Variants in ZNF586 observed in about 807,000 individuals in gnomAD.
The protein encoded by ZNF586 is zinc finger protein 586.
In ZNF586, 7 loss-of-function variants were observed where a neutral mutation model predicts 6.7. That is an observed-to-expected ratio of 1.04 (90% CI 0.59 to 1.95). The LOEUF (loss-of-function observed/expected upper bound fraction) is 1.95. Ranked by LOEUF, ZNF586 falls within the 30% of genes most tolerant of loss-of-function variation. ZNF586 has a pLI of 0.00. For synonymous variants in ZNF586, 166 were observed against 168.7 expected (o/e 0.98, Z 0.12); for missense variants, 442 against 489.6 (o/e 0.90, Z 0.92).
intron 2 of ZNF586, among the ~76,000 whole-genome samples, chr19:57,778,190 G>A (rs552696230): frequency 2.4e-4 from 36 of 151,474 alleles, no homozygotes; most frequent in African/African-American, 8.5e-4. Context: ...TCCTGCCTCA[G>A]CCTCCCGAGT....
At chr19:57,771,184 C>G (rs1328821794) in intron 1 of ZNF586, among the ~76,000 whole-genome samples, 2 of 151,818 alleles carry the variant, frequency 1.3e-5, no homozygotes, top group Non-Finnish European at 2.9e-5. Context: ...ACCTGTAGTC[C>G]CAACTACTTG....
rs1987357887 is a variant in ZNF586, at chr19:57,780,386, G to A, written c.*590G>A. On this transcript the variant is annotated 3_prime_UTR_variant, in exon 3 of 3. Coordinates refer to ENST00000396154, the MANE Select transcript of ZNF586 (RefSeq NM_017652.4). The stretch of plus-strand genomic sequence containing the variant: ...CATTTCTTTCTCTCCAATGAGTTAG[G>A]CCATGAACCTGACTCATTTTTGGCA... 6.6e-6 allele frequency: 1 copy of A among 152,386 alleles called. No homozygotes were observed. The highest frequency in any genetic ancestry group is 6.5e-5 in the Admixed American group (1 of 15,288). The allele number at this position is 152,386 out of a possible 1,614,324, so 9.4% of individuals were successfully genotyped here. A position where few individuals can be genotyped will look rare whatever the true frequency, so the allele number is the denominator to read the frequency against.
intron 1 of ZNF586, among the ~76,000 whole-genome samples, chr19:57,775,563 A>G (rs1987213846): frequency 6.7e-6 from 1 of 148,816 alleles, no homozygotes; most frequent in Non-Finnish European, 1.5e-5. Flanking sequence ...CACCCTCTTG[A>G]TTGAGCAAAG....
chr19:57,778,878 T>G lies in ZNF586; in HGVS notation c.291T>G (p.Phe97Leu). ...PYECGEYRKL[F>L]KNKSCLTEPR... is the part of the protein sequence containing the mutation. Reference sequence around the variant, plus strand: ...AGTGTGGGGAATATAGGAAATTATTTAAGAACAAGTCCTGCCTCACTGAAC... The same window carrying G: ...AGTGTGGGGAATATAGGAAATTATTGAAGAACAAGTCCTGCCTCACTGAAC... Residue 97 changes from phenylalanine to leucine, a missense_variant, in exon 3 of 3, where the codon TTT becomes TTG. By Grantham distance (22) the Phe-to-Leu change is conservative. Transcript: ENST00000396154. 3.1e-6 allele frequency: 5 copies of G among 1,614,142 alleles called. No homozygotes were observed. The highest frequency in any genetic ancestry group is 4.2e-6 in the Non-Finnish European group (5 of 1,180,030).
At chr19:57,771,619 T>G (rs1321971823) in intron 1 of ZNF586, among the ~76,000 whole-genome samples, 1 of 152,078 alleles carries the variant, frequency 6.6e-6, no homozygotes, top group African/African-American at 2.4e-5. Context: ...AATACTTACT[T>G]AGAAGTGAAA....
chr19:57,771,447 A>C (rs1987095327), intron 1 of ZNF586, among the ~76,000 whole-genome samples: 2 of 152,070 alleles, frequency 1.3e-5, no homozygotes, highest in African/African-American at 4.8e-5. Flanking sequence ...CTCCTAGGAC[A>C]CTTAAGTGCC....
At position 57,780,073 on chromosome 19, in the gene ZNF586, T is replaced by C. The variant is rs768269992; in HGVS notation, c.*277T>C. 29 of 436,998 alleles carry C rather than the reference T, an allele frequency of 6.6e-5. No individual in the cohort carries two copies. Among genetic ancestry groups the C allele is most frequent in the Non-Finnish European group, 1.0e-4 (26 of 247,982 alleles). 27.1% of individuals were successfully genotyped at this position (436,998 alleles called of 1,614,324 possible). On this transcript the variant is annotated 3_prime_UTR_variant, in exon 3 of 3. Coordinates refer to ENST00000396154, the MANE Select transcript of ZNF586 (RefSeq NM_017652.4). ...TATTATTTTTTCTTCAATATAACACTGGAGGAAACCCCTTATGAGGATGCC... is the reference window on the plus strand; with the variant it reads ...TATTATTTTTTCTTCAATATAACACCGGAGGAAACCCCTTATGAGGATGCC...
At chr19:57,774,645 A>G in intron 1 of ZNF586, 1 of 428,072 alleles carries the variant, frequency 2.3e-6, no homozygotes, top group Non-Finnish European at 3.0e-6. Flanking sequence ...TGAAAATGCT[A>G]GTGGTTCTTT....
intron 1 of ZNF586, among the ~76,000 whole-genome samples, chr19:57,771,747 C>T (rs1236348062): frequency 6.6e-6 from 1 of 152,020 alleles, no homozygotes; most frequent in Non-Finnish European, 1.5e-5. Context: ...CTGCCCTAGT[C>T]GAGGTGAGGA....
At chr19:57,774,360 T>TA (rs1416689808) in intron 1 of ZNF586, among the ~76,000 whole-genome samples, 1 of 151,184 alleles carries the variant, frequency 6.6e-6, no homozygotes, top group African/African-American at 2.4e-5. Flanking sequence ...CCGTCTCTAC[T>TA]AAAAAATATA....
At position 57,779,767 on chromosome 19, in the gene ZNF586, G is replaced by C; in HGVS notation, c.1180G>C (p.Val394Leu). 1.2e-6 allele frequency: 2 copies of C among 1,603,206 alleles called. No individual in the cohort carries two copies. The highest frequency in any genetic ancestry group is 1.7e-6 in the Non-Finnish European group (2 of 1,174,064). The part of the protein sequence containing the change: ...HSSSFRRHQR[V>L]HTGMRPYK ...TTCTTCGTTCCGTCGCCATCAGAGA[G>C]TTCATACTGGAATGAGGCCTTATAA... The change falls in exon 3 of 3, where the codon GTT becomes CTT. Residue 394 changes from valine to leucine, a missense_variant. Transcript: ENST00000396154.
At chr19:57,775,003 C>CT (rs11310885) in intron 1 of ZNF586, among the ~76,000 whole-genome samples, 1,742 of 141,694 alleles carry the variant, frequency 0.012, 15 homozygotes, top group Non-Finnish European at 0.019. Context: ...TTCTTTTTTT[C>CT]TTTTTTTTTT....
chr19:57,778,718 A>G (rs767482766), intron 2 of ZNF586, 33 bp from the exon 3 acceptor site: 3 of 1,567,840 alleles, frequency 1.9e-6, no homozygotes, highest in Non-Finnish European at 2.6e-6. Context: ...AACAAAGTCA[A>G]CATGTACCTC....
rs776447863 is a variant in ZNF586 at position 57,779,408 on chromosome 19, G to C, written c.821G>C (p.Ser274Thr). 12 of 1,613,528 alleles carry C rather than the reference G, an allele frequency of 7.4e-6. No homozygotes were observed. Among genetic ancestry groups the C allele is most frequent in the Non-Finnish European group, 1.0e-5 (12 of 1,179,980 alleles). The change falls in exon 3 of 3, where the codon AGC becomes ACC. Residue 274 changes from serine (S) to threonine (T), a missense_variant. Transcript: ENST00000396154. ...CVECGKSFRR[S>T]SSLLQHQRVH... ...GAGTGTGGAAAATCATTTCGCCGAA[G>C]CTCTTCACTCTTGCAGCATCAGAGA...
Position 57,779,025 on chromosome 19 carries a change from G to T in ZNF586, c.438G>T (p.Gly146=). 1 of 1,613,864 alleles carries T rather than the reference G, an allele frequency of 6.2e-7. No homozygotes were observed. The highest frequency in any genetic ancestry group is 8.5e-7 in the Non-Finnish European group (1 of 1,179,978). Reference sequence around the variant, plus strand: ...ATATTCATGAGAGATTTCATACTGGGCAAAAGACCTATGAGTGCAGTGAGT... The same window carrying T: ...ATATTCATGAGAGATTTCATACTGGTCAAAAGACCTATGAGTGCAGTGAGT... The part of the protein sequence containing the change: ...TLHIHERFHT[G]QKTYECSECG... The change falls in exon 3 of 3, where the codon GGG becomes GGT. Residue 146 remains glycine (G), a synonymous_variant. Transcript: ENST00000396154.
chr19:57,775,069 T>G (rs983930508), intron 1 of ZNF586, among the ~76,000 whole-genome samples: 1 of 151,596 alleles, frequency 6.6e-6, no homozygotes, highest in South Asian at 2.1e-4. Flanking sequence ...GCAGATCTCA[T>G]CTCACTGCAA....
chr19:57,775,600 C>CTT (rs563657252), intron 1 of ZNF586, among the ~76,000 whole-genome samples: 17,097 of 122,660 alleles, frequency 0.14, 2,752 homozygotes, highest in African/African-American at 0.38. Flanking sequence ...CCTGGTTGCT[C>CTT]TTTTTTTTTT....
chr19:57,778,469 G>A (rs962120522), intron 2 of ZNF586, among the ~76,000 whole-genome samples: 3 of 152,084 alleles, frequency 2.0e-5, no homozygotes, highest in Admixed American at 1.3e-4. Flanking sequence ...GTACTCACAC[G>A]TCATCAGCAA....
At chr19:57,770,012 T>G in intron 1 of ZNF586, 134 bp downstream of exon 1, 1 of 842,754 alleles carries the variant, frequency 1.2e-6, no homozygotes. Flanking sequence ...GCGGGTGGGA[T>G]CCCTGTTTCC....
Sources: gnomAD v4.1 joint callset for allele counts (sites outside exome capture counted in the v4.1 genomes callset) on GRCh38, gnomAD v4.1.1 for gene constraint, MANE v1.5 for transcripts, NCBI Gene and HGNC (gene_info 2026-07-23, HGNC 2026-07-21) for gene names.